Variants in CFAP61 observed in about 807,000 individuals in gnomAD.
CFAP61 encodes cilia and flagella associated protein 61, also known as cilia- and flagella-associated protein 61.
Under a neutral mutation model 135.6 loss-of-function variants are expected in CFAP61, and 107 were observed. The observed-to-expected ratio is 0.79, with a 90% CI of 0.67 to 0.93. The LOEUF is 0.93. CFAP61 is among the 40% of genes least tolerant of loss of function. The probability of loss-of-function intolerance (pLI) is 0.00; values close to 1 mark genes in which losing one functional copy is unlikely to be tolerated. For missense variants in CFAP61, 1,507 were observed against 1,556.2 expected (o/e 0.97, Z 0.53); for synonymous variants, 575 against 578.5 (o/e 0.99, Z 0.09).
intron 25 of CFAP61, among the ~76,000 whole-genome samples, chr20:20,314,360 C>T (rs2056990637): frequency 6.7e-6 from 1 of 149,458 alleles, no homozygotes; most frequent in Admixed American, 6.7e-5. Flanking sequence ...ACTGCACTCC[C>T]CAGCCTGGGT....
intron 25 of CFAP61, among the ~76,000 whole-genome samples, chr20:20,302,786 T>A (rs1436840170): frequency 6.6e-6 from 1 of 152,256 alleles, no homozygotes; most frequent in East Asian, 1.9e-4. Context: ...TTTTTATAGA[T>A]GTCCTTTATC....
intron 17 of CFAP61, among the ~76,000 whole-genome samples, chr20:20,218,358 C>G (rs912298562): frequency 6.6e-6 from 1 of 152,190 alleles, no homozygotes; most frequent in Admixed American, 6.5e-5. Context: ...GTAAGAAGTG[C>G]CTTTCACCCT....
At position 20,169,051 on chromosome 20, in the gene CFAP61, A is replaced by G. The variant is rs113970125; in HGVS notation, c.1246-270A>G. On this transcript the variant is annotated intron_variant, in intron 12 of 26. Coordinates refer to ENST00000245957, the MANE Select transcript of CFAP61 (RefSeq NM_015585.4). Reference sequence around the variant, plus strand: ...GTCTTGGTTTAAAAACTACTTCCACAGAAGAGTTATGCTGAATGACTGCCA... The same window carrying G: ...GTCTTGGTTTAAAAACTACTTCCACGGAAGAGTTATGCTGAATGACTGCCA... Among the ~76,000 whole-genome samples, 593 of 152,292 alleles carry G rather than the reference A, an allele frequency of 3.9e-3. 4 individuals are homozygous for G. Among genetic ancestry groups the G allele is most frequent in the African/African-American group, 0.014 (567 of 41,554 alleles).
At chr20:20,128,431 T>C (rs1384322021) in intron 8 of CFAP61, among the ~76,000 whole-genome samples, 1 of 151,532 alleles carries the variant, frequency 6.6e-6, no homozygotes, top group African/African-American at 2.4e-5. Flanking sequence ...AGGTCAGAAA[T>C]TTCTCCCACA....
At chr20:20,130,687 T>C (rs2050454172) in intron 8 of CFAP61, among the ~76,000 whole-genome samples, 1 of 151,786 alleles carries the variant, frequency 6.6e-6, no homozygotes, top group African/African-American at 2.4e-5. Flanking sequence ...CCACCCATCC[T>C]GAATGGAGGA....
At chr20:20,255,674 C>T (rs1479123396) in intron 20 of CFAP61, among the ~76,000 whole-genome samples, 3 of 152,092 alleles carry the variant, frequency 2.0e-5, no homozygotes, top group Non-Finnish European at 1.5e-5. Flanking sequence ...AAAGACACTC[C>T]CCCGTGTCAT....
chr20:20,159,275 C>T, intron 9 of CFAP61, 95 bp from the exon 10 acceptor site: 1 of 1,125,342 alleles, frequency 8.9e-7, no homozygotes, highest in Non-Finnish European at 1.3e-6. Flanking sequence ...AGCTGTAGAG[C>T]CAGGGTCTGA....
At chr20:20,136,255 G>GACTT (rs1568980296) in intron 8 of CFAP61, among the ~76,000 whole-genome samples, 2 of 151,816 alleles carry the variant, frequency 1.3e-5, no homozygotes, top group African/African-American at 4.8e-5. Context: ...ATACTTCTTA[G>GACTT]ACTTGAATAT....
chr20:20,254,949 C>T (rs1393363125), intron 20 of CFAP61, among the ~76,000 whole-genome samples: 1 of 152,172 alleles, frequency 6.6e-6, no homozygotes, highest in East Asian at 1.9e-4. Context: ...CTGGTCTCTC[C>T]CAGCCCACTC....
At chr20:20,250,742 T>A (rs1024134541) in intron 19 of CFAP61, among the ~76,000 whole-genome samples, 1 of 152,158 alleles carries the variant, frequency 6.6e-6, no homozygotes, top group Admixed American at 6.5e-5. Flanking sequence ...TAAAAGGTGG[T>A]TTACCTGAGG....
chr20:20,278,981 A>G (rs1174681636), intron 22 of CFAP61, among the ~76,000 whole-genome samples: 1 of 152,232 alleles, frequency 6.6e-6, no homozygotes, highest in Non-Finnish European at 1.5e-5. Context: ...CATGTATGTC[A>G]TGACACCTAT....
At chr20:20,218,136 G>A (rs1202260585) in intron 17 of CFAP61, among the ~76,000 whole-genome samples, 1 of 152,162 alleles carries the variant, frequency 6.6e-6, no homozygotes, top group African/African-American at 2.4e-5. Flanking sequence ...AGCTGATATG[G>A]TTTGGCTGTG....
chr20:20,195,436 G>C lies in CFAP61; in HGVS notation c.1591-1134G>C, dbSNP rs1360737864. On this transcript the variant is annotated intron_variant, in intron 15 of 26. Transcript: ENST00000245957. Reference sequence around the variant, plus strand: ...CATTTTGGGTGCGTTTACTGCTGCTGTCATCAGAGAGTCACACTCACCTTG... The same window carrying C: ...CATTTTGGGTGCGTTTACTGCTGCTCTCATCAGAGAGTCACACTCACCTTG... 2.0e-5 allele frequency among the ~76,000 whole-genome samples: 3 copies of C among 152,176 alleles called. No individual in the cohort carries two copies. The East Asian group carries it at 5.8e-4, about 29-fold the overall frequency.
At chr20:20,080,368 C>T (rs2046350986) in intron 6 of CFAP61, among the ~76,000 whole-genome samples, 1 of 152,034 alleles carries the variant, frequency 6.6e-6, no homozygotes, top group Non-Finnish European at 1.5e-5. Context: ...TCCATGATGG[C>T]CTAACCATCA....
chr20:20,129,077 G>C (rs368258618), intron 8 of CFAP61, among the ~76,000 whole-genome samples: 3 of 151,462 alleles, frequency 2.0e-5, no homozygotes, highest in Non-Finnish European at 4.4e-5. Flanking sequence ...CTTCATACTA[G>C]AGTTATGAAT....
chr20:20,273,576 A>G (rs1195278792), intron 21 of CFAP61, among the ~76,000 whole-genome samples: 2 of 152,246 alleles, frequency 1.3e-5, no homozygotes, highest in Non-Finnish European at 2.9e-5. Context: ...AGGATCAGCA[A>G]TCTAATAAAT....
intron 21 of CFAP61, among the ~76,000 whole-genome samples, chr20:20,269,093 G>A (rs188446421): frequency 4.2e-5 from 6 of 143,562 alleles, no homozygotes; most frequent in African/African-American, 1.0e-4. Context: ...AGTAAAAAGC[G>A]CATTGTCTGG....
chr20:20,233,372 G>A (rs556827108), intron 18 of CFAP61, among the ~76,000 whole-genome samples: 13 of 152,298 alleles, frequency 8.5e-5, no homozygotes, highest in East Asian at 3.9e-4. Flanking sequence ...GCACGTGTGC[G>A]CCTCGCAATT....
intron 9 of CFAP61, among the ~76,000 whole-genome samples, chr20:20,157,928 CAAAGTAAAAAAG>C (rs2053071495): frequency 6.6e-6 from 1 of 151,966 alleles, no homozygotes; most frequent in African/African-American, 2.4e-5. Flanking sequence ...CACAATAATA[CAAAGTAAAAAAG>C]CTAATTAAAA....
Sources: allele counts gnomAD v4.1 joint callset (sites outside exome capture counted in the v4.1 genomes callset), GRCh38; gene constraint gnomAD v4.1.1; transcripts MANE v1.5; gene names NCBI Gene and HGNC (gene_info 2026-07-23, HGNC 2026-07-21).